Variants in SLC3A1 observed in about 807,000 individuals in gnomAD.
SLC3A1 encodes the protein solute carrier family 3 member 1.
SLC3A1 carries 78 observed loss-of-function variants against 60.3 expected under a neutral mutation model. The ratio of observed to expected loss-of-function variants is 1.29; its 90% confidence interval spans 1.08 to 1.56. The LOEUF (loss-of-function observed/expected upper bound fraction) is 1.56. Ranked by LOEUF, SLC3A1 falls within the 40% of genes most tolerant of loss-of-function variation. The pLI is 0.00. For missense variants in SLC3A1, 1,172 were observed against 858.9 expected (o/e 1.36, Z -4.56); for synonymous variants, 392 against 307.9 (o/e 1.27, Z -2.86).
intron 8 of SLC3A1, among the ~76,000 whole-genome samples, 189 bp from the exon 9 acceptor site, chr2:44,313,646 A>G (rs1279611616): frequency 6.6e-6 from 1 of 152,228 alleles, no homozygotes; most frequent in East Asian, 1.9e-4. Flanking sequence ...GTTATTAGGT[A>G]CTTTCTAGTT....
chr2:44,280,824 T>A lies in SLC3A1; in HGVS notation c.539T>A (p.Phe180Tyr). The A allele has an allele frequency of 6.2e-7, 1 of 1,614,038 alleles. No individual in the cohort carries two copies. The highest frequency in any genetic ancestry group is 8.5e-7 in the Non-Finnish European group (1 of 1,179,904). Residue 180 changes from phenylalanine (F) to tyrosine (Y), a missense_variant, in exon 2 of 10, where the codon TTC becomes TAC. By Grantham distance (22) the Phe-to-Tyr change is conservative. Coordinates refer to ENST00000260649, the MANE Select transcript of SLC3A1 (RefSeq NM_000341.4). ...GATTTCAGATATGGTGTTGAAGATTTCCGGGAAGTTGATCCCATTTTTGGA... is the reference window on the plus strand; with the variant it reads ...GATTTCAGATATGGTGTTGAAGATTACCGGGAAGTTGATCCCATTTTTGGA... Reference protein sequence around the residue: ...LKDFRYGVEDFREVDPIFGTM... With the variant: ...LKDFRYGVEDYREVDPIFGTM...
At chr2:44,314,006 A>C in intron 9 of SLC3A1, 55 bp downstream of exon 9, 1 of 1,610,928 alleles carries the variant, frequency 6.2e-7, no homozygotes, top group Non-Finnish European at 8.5e-7. Flanking sequence ...ATGGGTTTCT[A>C]CTGAAAGTAC....
chr2:44,290,586 T>C (rs1358246787), intron 4 of SLC3A1, among the ~76,000 whole-genome samples: 1 of 152,208 alleles, frequency 6.6e-6, no homozygotes, highest in African/African-American at 2.4e-5. Context: ...TATTTACGTG[T>C]TCTTTCATTT....
chr2:44,309,897 CT>C (rs111309829), intron 7 of SLC3A1, among the ~76,000 whole-genome samples: 1 of 151,282 alleles, frequency 6.6e-6, no homozygotes, highest in Non-Finnish European at 1.5e-5. Context: ...TGTGCCCAGG[CT>C]TTTTTTTTGA....
At position 44,320,878 on chromosome 2, in the gene SLC3A1, C is replaced by G. The variant is rs764944105; in HGVS notation, c.*239C>G. 1 of 537,470 alleles carries G rather than the reference C, an allele frequency of 1.9e-6. No individual in the cohort carries two copies. The highest frequency in any genetic ancestry group is 1.9e-5 in the African/African-American group (1 of 52,624). The allele number at this position is 537,470 out of a possible 1,614,324, so 33.3% of individuals were successfully genotyped here. A position where few individuals can be genotyped will look rare whatever the true frequency, so the allele number is the denominator to read the frequency against. On this transcript the variant is annotated 3_prime_UTR_variant, in exon 10 of 10. Coordinates refer to ENST00000260649, the MANE Select transcript of SLC3A1 (RefSeq NM_000341.4). ...TTCAGATAGCATCAATCAGGGATGA[C>G]CAGAACACATTAGGACCCCAGATTA...
intron 4 of SLC3A1, among the ~76,000 whole-genome samples, chr2:44,298,415 GC>G (rs1314813252): frequency 6.6e-6 from 1 of 151,798 alleles, no homozygotes; most frequent in Non-Finnish European, 1.5e-5. Flanking sequence ...ATCTCCTTCT[GC>G]CACCCAGGCT....
At position 44,280,839 on chromosome 2, in the gene SLC3A1, C is replaced by T. The variant is rs569856127; in HGVS notation, c.554C>T (p.Pro185Leu). 2.5e-6 allele frequency: 4 copies of T among 1,613,848 alleles called. No homozygotes were observed. The highest frequency in any genetic ancestry group is 2.7e-5 in the African/African-American group (2 of 74,868). ...YGVEDFREVD[P>L]IFGTMEDFEN... is the part of the protein sequence containing the mutation. ...GTTGAAGATTTCCGGGAAGTTGATC[C>T]CATTTTTGGAACGATGGAAGATTTT... The change falls in exon 2 of 10, where the codon CCC becomes CTC. Residue 185 changes from proline (P) to leucine (L), a missense_variant. Transcript: ENST00000260649.
Position 44,313,884 on chromosome 2 carries a change from C to T in SLC3A1, c.1550C>T (p.Ala517Val). Reference protein sequence around the residue: ...SPMQWDNSSNAGFSEASNTWL... With the variant: ...SPMQWDNSSNVGFSEASNTWL... ...ATGCAGTGGGACAATAGTTCAAATG[C>T]TGGTTTTTCTGAAGCTAGTAACACC... is the stretch of plus-strand genomic sequence containing the variant. The change falls in exon 9 of 10, where the codon GCT (alanine) becomes GTT (valine). Residue 517 changes from alanine to valine, a missense_variant. Physicochemically the swap from Ala to Val is moderately conservative, Grantham distance 64. Coordinates refer to ENST00000260649, the MANE Select transcript of SLC3A1 (RefSeq NM_000341.4). 3 of 1,614,084 alleles carry T rather than the reference C, an allele frequency of 1.9e-6. No homozygotes were observed. Among genetic ancestry groups the T allele is most frequent in the Non-Finnish European group, 2.5e-6 (3 of 1,179,978 alleles).
At chr2:44,278,156 C>G (rs1318983768) in intron 1 of SLC3A1, among the ~76,000 whole-genome samples, 1 of 152,006 alleles carries the variant, frequency 6.6e-6, no homozygotes, top group East Asian at 1.9e-4. Context: ...AAATAAGCAG[C>G]CTGTCAGGCC....
rs764238390 is a variant in SLC3A1, at chr2:44,300,961, A to G, written c.1012-42A>G. 28 of 1,612,266 alleles carry G rather than the reference A, an allele frequency of 1.7e-5. 2 individuals carry two copies. In the Middle Eastern group the frequency reaches 1.6e-3, roughly 92 times the overall value. ...ATATAGAGCGAGCTGTGGGCATGCA[A>G]TGTATGAAATGAGGGTAACCATGTC... On this transcript the variant is annotated intron_variant, in intron 5 of 9. Transcript: ENST00000260649.
At position 44,319,912 on chromosome 2, in the gene SLC3A1, G is replaced by A. The variant is rs1227371830; in HGVS notation, c.1618-287G>A. 9.4e-5 allele frequency: 33 copies of A among 349,676 alleles called. 1 individual carries two copies. The South Asian group carries it at 1.1e-3, about 12-fold the overall frequency. 21.7% of individuals were successfully genotyped at this position (349,676 alleles called of 1,614,324 possible). ...TCTTAGACATGGACATTTGCTTTGG[G>A]ACTCCTAAAGTGGAGTCAAATTTGA... On this transcript the variant is annotated intron_variant, in intron 9 of 9. Coordinates refer to ENST00000260649, the MANE Select transcript of SLC3A1 (RefSeq NM_000341.4).
At chr2:44,306,801 C>T (rs1275900101) in intron 7 of SLC3A1, among the ~76,000 whole-genome samples, 1 of 152,074 alleles carries the variant, frequency 6.6e-6, no homozygotes, top group Non-Finnish European at 1.5e-5. Context: ...AGGTGATCCA[C>T]CCATCTTGGC....
At chr2:44,285,965 G>A in intron 3 of SLC3A1, 67 bp from the exon 4 acceptor site, 2 of 1,573,108 alleles carry the variant, frequency 1.3e-6, no homozygotes, top group Admixed American at 1.7e-5. Context: ...ATCAGGGAGG[G>A]CAATGATCTT....
chr2:44,299,356 T>C (rs1258219648), intron 4 of SLC3A1, among the ~76,000 whole-genome samples: 1 of 152,152 alleles, frequency 6.6e-6, no homozygotes, highest in Non-Finnish European at 1.5e-5. Flanking sequence ...TCTTTTATTA[T>C]CTGAGTGTAT....
At chr2:44,294,970 C>T (rs1671817551) in intron 4 of SLC3A1, among the ~76,000 whole-genome samples, 1 of 152,064 alleles carries the variant, frequency 6.6e-6, no homozygotes, top group Non-Finnish European at 1.5e-5. Flanking sequence ...TCTTGAACTC[C>T]TGAGCTTAAG....
chr2:44,306,067 G>T (rs970446598), intron 7 of SLC3A1, among the ~76,000 whole-genome samples: 1 of 152,160 alleles, frequency 6.6e-6, no homozygotes, highest in African/African-American at 2.4e-5. Context: ...TCAGGCTCAG[G>T]GTTTGTTTGT....
At position 44,320,214 on chromosome 2, in the gene SLC3A1, C is replaced by T. The variant is rs199678349; in HGVS notation, c.1633C>T (p.Pro545Ser). The T allele has an allele frequency of 1.5e-5, 25 of 1,613,484 alleles. No individual in the cohort carries two copies. The African/African-American group carries it at 3.2e-4, about 21-fold the overall frequency. Residue 545 changes from proline to serine, a missense_variant, in exon 10 of 10, where the codon CCC becomes TCC. Pro to Ser is a moderately conservative substitution (Grantham distance 74). Coordinates refer to ENST00000260649, the MANE Select transcript of SLC3A1 (RefSeq NM_000341.4). ...TVNVDVQKTQ[P>S]RSALKLYQDL... is the part of the protein sequence containing the mutation. The stretch of plus-strand genomic sequence containing the variant: ...AAAAAAATAGGTCCAAAAGACTCAG[C>T]CCAGATCGGCTTTGAAGTTATATCA...
At chr2:44,296,974 C>CT (rs1438210665) in intron 4 of SLC3A1, among the ~76,000 whole-genome samples, 1 of 152,172 alleles carries the variant, frequency 6.6e-6, no homozygotes, top group Non-Finnish European at 1.5e-5. Context: ...ATTGTGAGGC[C>CT]TCCCCAGCCC....
chr2:44,310,307 C>G (rs936717545), intron 7 of SLC3A1, among the ~76,000 whole-genome samples: 7 of 152,220 alleles, frequency 4.6e-5, no homozygotes, highest in Non-Finnish European at 8.8e-5. Flanking sequence ...TCTTTTCATC[C>G]TCACCAACAC....
Sources: gnomAD v4.1 joint callset for allele counts (sites outside exome capture counted in the v4.1 genomes callset) on GRCh38, gnomAD v4.1.1 for gene constraint, MANE v1.5 for transcripts, NCBI Gene and HGNC (gene_info 2026-07-23, HGNC 2026-07-21) for gene names.